The following AVL9 variants were observed in gnomAD, a reference collection of about 807,000 sequenced individuals.
AVL9 encodes the protein late secretory pathway protein AVL9 homolog.
In AVL9, 49 loss-of-function variants were observed where a neutral mutation model predicts 79.2. The ratio of observed to expected loss-of-function variants is 0.62; its 90% CI spans 0.49 to 0.79. AVL9 has a LOEUF of 0.79. Among genes scored for constraint, AVL9 ranks in the 30% least tolerant of loss-of-function variants. The probability of loss-of-function intolerance (pLI) is 0.00; values close to 1 mark genes in which losing one functional copy is unlikely to be tolerated. For synonymous variants in AVL9, 299 were observed against 280.6 expected (o/e 1.07, Z -0.65); for missense variants, 682 against 776.8 (o/e 0.88, Z 1.45).
rs571836783 is a variant in AVL9 at position 32,570,058 on chromosome 7, T to G, written c.1254T>G (p.His418Gln). Residue 418 changes from histidine (H) to glutamine (Q), a missense_variant, in exon 11 of 16, where the codon CAT becomes CAG. Physicochemically the swap from His to Gln is conservative, Grantham distance 24. Coordinates refer to ENST00000318709, the MANE Select transcript of AVL9 (RefSeq NM_015060.3). ...LCLPYMALQQ[H>Q]HLLSDVTVRG... is the part of the protein sequence containing the mutation. ...TGCCTTACATGGCATTGCAGCAGCA[T>G]CATCTTCTCTCCGATGTCACCGTTC... The G allele has an allele frequency of 8.8e-5, 142 of 1,614,224 alleles. 1 individual carries two copies. Among genetic ancestry groups the G allele is most frequent in the Admixed American group, 7.7e-4 (46 of 60,024 alleles).
intron 13 of AVL9, 43 bp from the exon 14 acceptor site, chr7:32,580,176 T>C (rs750886241): frequency 1.3e-6 from 2 of 1,498,514 alleles, no homozygotes; most frequent in Admixed American, 1.8e-5. Flanking sequence ...TTGCAGCCTT[T>C]TTGGTAAAAT....
intron 4 of AVL9, among the ~76,000 whole-genome samples, chr7:32,551,090 CA>C (rs1280812666): frequency 1.3e-5 from 2 of 152,096 alleles, no homozygotes; most frequent in African/African-American, 4.8e-5. Flanking sequence ...GAGCCAGGCC[CA>C]GCAAGTCTGA....
chr7:32,575,393 C>T (rs1252205932), intron 12 of AVL9, among the ~76,000 whole-genome samples: 1 of 152,076 alleles, frequency 6.6e-6, no homozygotes, highest in East Asian at 1.9e-4. Flanking sequence ...GCCACTGCAC[C>T]TGGCCTTTTT....
intron 1 of AVL9, among the ~76,000 whole-genome samples, chr7:32,522,080 T>C (rs1377963015): frequency 6.6e-6 from 1 of 152,196 alleles, no homozygotes; most frequent in African/African-American, 2.4e-5. Context: ...AAGTTTGCTA[T>C]GGGGTGGGGC....
chr7:32,536,571 G>A (rs1788919867), intron 1 of AVL9: 2 of 151,786 alleles, frequency 1.3e-5, no homozygotes, highest in South Asian at 4.2e-4. Context: ...TGATAATTAG[G>A]GATTATCAGA....
intron 10 of AVL9, among the ~76,000 whole-genome samples, chr7:32,561,916 G>C (rs953566318): frequency 6.6e-6 from 1 of 152,304 alleles, no homozygotes; most frequent in Middle Eastern, 3.4e-3. Context: ...GGATAGGGAG[G>C]CCTGAGGACA....
intron 13 of AVL9, among the ~76,000 whole-genome samples, chr7:32,576,694 G>A (rs1407955213): frequency 2.6e-5 from 4 of 152,116 alleles, no homozygotes; most frequent in Admixed American, 6.5e-5. Context: ...GCTGAGACAG[G>A]AGAATCCCTT....
chr7:32,556,567 A>G (rs1271987166), intron 8 of AVL9, among the ~76,000 whole-genome samples: 2 of 150,072 alleles, frequency 1.3e-5, no homozygotes, highest in South Asian at 2.1e-4. Context: ...ACAGAAAAAA[A>G]GATAAAGTTT....
Position 32,552,286 on chromosome 7 carries a change from G to A in AVL9, c.520G>A (p.Val174Ile), listed in dbSNP as rs1789868678. ...LGGASLEGSQVYLGLSPRDLV... is the reference protein window; with the variant it reads ...LGGASLEGSQIYLGLSPRDLV... ...AGGTGCTTCATTAGAAGGATCCCAA[G>A]TATATCTTGGTAAGTAACTGACTTA... is the stretch of plus-strand genomic sequence containing the variant. The change falls in exon 6 of 16, where the codon GTA becomes ATA. Residue 174 changes from valine (V) to isoleucine (I), a missense_variant. Transcript: ENST00000318709. The A allele has an allele frequency of 6.3e-7, 1 of 1,594,166 alleles. No individual in the cohort carries two copies. The highest frequency in any genetic ancestry group is 1.7e-5 in the Admixed American group (1 of 59,586).
intron 11 of AVL9, among the ~76,000 whole-genome samples, chr7:32,571,135 G>C (rs1276251880): frequency 1.3e-5 from 2 of 150,430 alleles, no homozygotes; most frequent in Non-Finnish European, 3.0e-5. Flanking sequence ...GGGAGGGTGA[G>C]GCAGGAGAAT....
At position 32,573,282 on chromosome 7, in the gene AVL9, C is replaced by G. The variant is rs1194182193; in HGVS notation, c.1434C>G (p.Asp478Glu). The change falls in exon 12 of 16, where the codon GAC becomes GAG. Residue 478 changes from aspartate (D) to glutamate (E), a missense_variant. Transcript: ENST00000318709. ...NPTTADLRFA[D>E]YLVRHVTENR... Reference sequence around the variant, plus strand: ...CCACTGCAGACCTAAGGTTCGCAGACTACCTAGTGAGGCACGTGACTGAGA... The same window carrying G: ...CCACTGCAGACCTAAGGTTCGCAGAGTACCTAGTGAGGCACGTGACTGAGA... 6.2e-7 allele frequency: 1 copy of G among 1,613,778 alleles called. No individual in the cohort carries two copies. Among genetic ancestry groups the G allele is most frequent in the Non-Finnish European group, 8.5e-7 (1 of 1,180,012 alleles).
rs1465513001 is a variant in AVL9 at position 32,570,015 on chromosome 7, C to T, written c.1216-5C>T. On this transcript the variant is annotated splice_region_variant and splice_polypyrimidine_tract_variant and intron_variant, in intron 10 of 15. Transcript: ENST00000318709. ...GATATTTTCTATTACTCTTCTAATT[C>T]ATAGGGATATCTGTGTTTGCCTTAC... 6.2e-7 allele frequency: 1 copy of T among 1,613,860 alleles called. No individual in the cohort carries two copies. The highest frequency in any genetic ancestry group is 1.3e-5 in the African/African-American group (1 of 74,936).
intron 4 of AVL9, among the ~76,000 whole-genome samples, chr7:32,549,275 A>C (rs1057507869): frequency 1.3e-5 from 2 of 148,298 alleles, no homozygotes; most frequent in African/African-American, 5.0e-5. Flanking sequence ...CCCAGGCTGG[A>C]GTGTGGTGGC....
intron 1 of AVL9, among the ~76,000 whole-genome samples, chr7:32,527,833 C>G (rs1166977457): frequency 6.6e-6 from 1 of 152,100 alleles, no homozygotes; most frequent in African/African-American, 2.4e-5. Flanking sequence ...ACCCACCCAC[C>G]TACCTCCCAC....
chr7:32,552,993 G>A (rs1441716323), intron 6 of AVL9, among the ~76,000 whole-genome samples: 2 of 151,758 alleles, frequency 1.3e-5, no homozygotes, highest in African/African-American at 2.4e-5. Context: ...ATATTCAATG[G>A]GCAACTCAAT....
chr7:32,557,103 C>T (rs1790098066), intron 8 of AVL9, among the ~76,000 whole-genome samples: 1 of 150,570 alleles, frequency 6.6e-6, no homozygotes, highest in Non-Finnish European at 1.5e-5. Context: ...TTTTCACATT[C>T]AGGAAATTTA....
intron 8 of AVL9, among the ~76,000 whole-genome samples, chr7:32,558,058 G>A (rs1197653766): frequency 6.6e-6 from 1 of 151,504 alleles, no homozygotes; most frequent in South Asian, 2.1e-4. Flanking sequence ...GTTTCAGCAT[G>A]TTGGTCAGGC....
At chr7:32,549,807 C>T (rs13230494) in intron 4 of AVL9, among the ~76,000 whole-genome samples, 95,361 of 150,418 alleles carry the variant, frequency 0.63, 30,431 homozygotes, top group Admixed American at 0.72. Context: ...CTAATCCCAG[C>T]TATTCAGGAG....
At chr7:32,579,368 TA>T (rs1791262500) in intron 13 of AVL9, among the ~76,000 whole-genome samples, 5 of 57,768 alleles carry the variant, frequency 8.7e-5, no homozygotes, top group African/African-American at 3.3e-4. Context: ...ATAACATATA[TA>T]ATATATGTTA....
Sources: allele counts gnomAD v4.1 joint callset (sites outside exome capture counted in the v4.1 genomes callset), GRCh38; gene constraint gnomAD v4.1.1; transcripts MANE v1.5; gene names NCBI Gene and HGNC (gene_info 2026-07-23, HGNC 2026-07-21).